CALCOCO2: variants seen among roughly 807,000 people sequenced by gnomAD.
CALCOCO2 encodes calcium binding and coiled-coil domain 2.
A neutral mutation model predicts 62.5 loss-of-function variants in CALCOCO2; 42 were observed. The ratio of observed to expected loss-of-function variants is 0.67; its 90% CI spans 0.53 to 0.87. The LOEUF is 0.87. Among genes scored for constraint, CALCOCO2 ranks in the 40% least tolerant of loss-of-function variants. CALCOCO2 has a pLI of 0.00. For synonymous variants in CALCOCO2, 167 were observed against 173.0 expected (o/e 0.97, Z 0.27); for missense variants, 456 against 515.0 (o/e 0.89, Z 1.11).
At chr17:48,845,715 C>T (rs141778591) in intron 2 of CALCOCO2, among the ~76,000 whole-genome samples, 3,612 of 131,856 alleles carry the variant, frequency 0.027, 146 homozygotes, top group African/African-American at 0.093. Context: ...GGCAACAGAG[C>T]GAGACTCCAT....
intron 10 of CALCOCO2, among the ~76,000 whole-genome samples, chr17:48,859,649 A>G (rs2040298576): frequency 6.6e-6 from 1 of 152,084 alleles, no homozygotes; most frequent in African/African-American, 2.4e-5. Flanking sequence ...AATAGTTTCA[A>G]CGTTAATATA....
intron 7 of CALCOCO2, 22 bp from the exon 8 acceptor site, chr17:48,852,484 A>G (rs376435483): frequency 6.9e-6 from 11 of 1,603,654 alleles, no homozygotes; most frequent in East Asian, 2.2e-5. Flanking sequence ...TATCTTGGTT[A>G]TGTTCACTAT....
At position 48,860,469 on chromosome 17, in the gene CALCOCO2, C is replaced by G. The variant is rs1322239649; in HGVS notation, c.1144+20C>G. 25 of 1,611,530 alleles carry G rather than the reference C, an allele frequency of 1.6e-5. No homozygotes were observed. Among genetic ancestry groups the G allele is most frequent in the Non-Finnish European group, 2.0e-5 (23 of 1,178,186 alleles). ...ATTCTGGTAAGACAACTTTCCCATT[C>G]CAACTGGAAGGACCCTGCCTGCATC... On this transcript the variant is annotated intron_variant, in intron 11 of 12. Transcript: ENST00000258947.
intron 1 of CALCOCO2, among the ~76,000 whole-genome samples, chr17:48,835,038 C>T (rs1003442221): frequency 9.0e-6 from 1 of 111,428 alleles, no homozygotes; most frequent in African/African-American, 3.1e-5. Flanking sequence ...AGAGTGAGAC[C>T]CTGCCCCCCC....
chr17:48,848,181 G>T lies in CALCOCO2; in HGVS notation c.283+15G>T. On this transcript the variant is annotated intron_variant, in intron 3 of 12. Coordinates refer to ENST00000258947, the MANE Select transcript of CALCOCO2 (RefSeq NM_005831.5). ...CCAATTCAAAGGTGAGAAAAATACTGGATCAAAGGTGTTGAAGACAGTAGC... is the reference window on the plus strand; with the variant it reads ...CCAATTCAAAGGTGAGAAAAATACTTGATCAAAGGTGTTGAAGACAGTAGC... 2 of 1,577,768 alleles carry T rather than the reference G, an allele frequency of 1.3e-6. No homozygotes were observed. Among genetic ancestry groups the T allele is most frequent in the Non-Finnish European group, 1.7e-6 (2 of 1,147,148 alleles).
intron 5 of CALCOCO2, 32 bp from the exon 6 acceptor site, chr17:48,851,057 G>A (rs1317662075): frequency 2.5e-6 from 3 of 1,209,068 alleles, no homozygotes; most frequent in East Asian, 2.3e-5. Context: ...CATAGAACTA[G>A]TCTGTCCCTT....
chr17:48,832,651 C>A (rs1262788510), intron 1 of CALCOCO2, among the ~76,000 whole-genome samples: 4 of 152,184 alleles, frequency 2.6e-5, no homozygotes, highest in Non-Finnish European at 5.9e-5. Flanking sequence ...AAGATAGGAA[C>A]CCAGCTCCCT....
chr17:48,841,504 C>T (rs2039973758), intron 1 of CALCOCO2, 194 bp from the exon 2 acceptor site: 5 of 456,608 alleles, frequency 1.1e-5, no homozygotes, highest in Non-Finnish European at 2.0e-5. Flanking sequence ...TCAGAAAATT[C>T]TCGTAGCATA....
intron 1 of CALCOCO2, among the ~76,000 whole-genome samples, chr17:48,835,001 G>A (rs1328185496): frequency 6.6e-6 from 1 of 152,034 alleles, no homozygotes; most frequent in Non-Finnish European, 1.5e-5. Context: ...AGCCATGGCT[G>A]TGCCACTGTA....
At chr17:48,846,961 C>T (rs1203938764) in intron 2 of CALCOCO2, among the ~76,000 whole-genome samples, 1 of 152,168 alleles carries the variant, frequency 6.6e-6, no homozygotes, top group Non-Finnish European at 1.5e-5. Flanking sequence ...CTTTTACCCC[C>T]TTCACATTTG....
chr17:48,842,097 T>G, intron 2 of CALCOCO2: 1 of 365,632 alleles, frequency 2.7e-6, no homozygotes, highest in Middle Eastern at 7.2e-4. Context: ...TAAAATAAGA[T>G]GGCAAATCAT....
rs2040374556 is a variant in CALCOCO2 at position 48,865,000 on chromosome 17, G to C, written c.*1995G>C. Reference sequence around the variant, plus strand: ...ACAGTGGTGCACATAATCCAAATCAGTGAATACCATTTTCTGGTGAATTAC... The same window carrying C: ...ACAGTGGTGCACATAATCCAAATCACTGAATACCATTTTCTGGTGAATTAC... On this transcript the variant is annotated 3_prime_UTR_variant, in exon 13 of 13. Coordinates refer to ENST00000258947, the MANE Select transcript of CALCOCO2 (RefSeq NM_005831.5). The C allele has an allele frequency of 6.6e-6, 1 of 152,148 alleles. No homozygotes were observed. Among genetic ancestry groups the C allele is most frequent in the African/African-American group, 2.4e-5 (1 of 41,428 alleles). The allele number at this position is 152,148 out of a possible 1,614,324, so 9.4% of individuals were successfully genotyped here.
At position 48,859,563 on chromosome 17, in the gene CALCOCO2, C is replaced by T. The variant is rs545954973; in HGVS notation, c.1009-751C>T. Reference sequence around the variant, plus strand: ...GCTGCAGTAAGCTATGATCTCACCCCGCACTCCAGCCTGGGTGACCAAGCA... The same window carrying T: ...GCTGCAGTAAGCTATGATCTCACCCTGCACTCCAGCCTGGGTGACCAAGCA... On this transcript the variant is annotated intron_variant, in intron 10 of 12. Coordinates refer to ENST00000258947, the MANE Select transcript of CALCOCO2 (RefSeq NM_005831.5). 1.6e-4 allele frequency among the ~76,000 whole-genome samples: 24 copies of T among 151,474 alleles called. No individual in the cohort carries two copies. The Middle Eastern group carries it at 0.01, about 66-fold the overall frequency.
chr17:48,834,898 T>A (rs770099335), intron 1 of CALCOCO2, among the ~76,000 whole-genome samples: 6 of 151,120 alleles, frequency 4.0e-5, no homozygotes, highest in Non-Finnish European at 3.0e-5. Context: ...AATACAAACA[T>A]TAGGTGGGCA....
chr17:48,858,071 G>GAATAGAATAGAATAGAATAGA, intron 10 of CALCOCO2, among the ~76,000 whole-genome samples: 1 of 144,944 alleles, frequency 6.9e-6, no homozygotes, highest in African/African-American at 2.5e-5. Flanking sequence ...GAATAGAATA[G>GAATAGAATAGAATAGAATAGA]AATTTTACCA....
Position 48,857,497 on chromosome 17 carries a change from C to CGTTTT in CALCOCO2, c.1008+1310_1008+1311insGTTTT, listed in dbSNP as rs1189389700. 1.0e-4 allele frequency among the ~76,000 whole-genome samples: 4 copies of CGTTTT among 38,442 alleles called. No homozygotes were observed. The East Asian group carries it at 7.9e-3, about 76-fold the overall frequency. 25.2% of individuals were successfully genotyped at this position (38,442 alleles called of 152,430 possible). ...CAGGCGTGAGCCACTGCACCCGGCC[C>CGTTTT]TTTTTTTTTTTTTTTTTTTTTTTGA... On this transcript the variant is annotated intron_variant, in intron 10 of 12. Coordinates refer to ENST00000258947, the MANE Select transcript of CALCOCO2 (RefSeq NM_005831.5).
rs551249541 is a variant in CALCOCO2, at chr17:48,863,097, C to G, written c.*92C>G. 10 of 967,416 alleles carry G rather than the reference C, an allele frequency of 1.0e-5. No individual in the cohort carries two copies. The South Asian group carries it at 1.2e-4, about 12-fold the overall frequency. 59.9% of individuals were successfully genotyped at this position (967,416 alleles called of 1,614,324 possible). ...TATATGAGTCAAGATCCTGCCTAAC[C>G]TGAAATTATTAGGGATTTACTCAGC... is the stretch of plus-strand genomic sequence containing the variant. On this transcript the variant is annotated 3_prime_UTR_variant, in exon 13 of 13. Coordinates refer to ENST00000258947, the MANE Select transcript of CALCOCO2 (RefSeq NM_005831.5).
At chr17:48,832,275 TC>T in intron 1 of CALCOCO2, among the ~76,000 whole-genome samples, 1 of 152,286 alleles carries the variant, frequency 6.6e-6, no homozygotes, top group South Asian at 2.1e-4. Context: ...GCGCCTGTAA[TC>T]CCAGCTACTT....
chr17:48,853,987 C>T (rs78615541), intron 9 of CALCOCO2, among the ~76,000 whole-genome samples: 1,829 of 152,160 alleles, frequency 0.012, 37 homozygotes, highest in South Asian at 0.097. Flanking sequence ...CAGTTTGTGA[C>T]CTCTGATGTA....
Sources: allele counts gnomAD v4.1 joint callset (sites outside exome capture counted in the v4.1 genomes callset), GRCh38; gene constraint gnomAD v4.1.1; transcripts MANE v1.5; gene names NCBI Gene and HGNC (gene_info 2026-07-23, HGNC 2026-07-21).